The following AKAP6 variants were observed in gnomAD, a reference collection of about 807,000 sequenced individuals.
The protein encoded by AKAP6 is A-kinase anchor protein 6.
AKAP6 carries 58 observed loss-of-function variants against 188.5 expected under a neutral mutation model. The ratio of observed to expected loss-of-function variants is 0.31; its 90% CI spans 0.25 to 0.38. AKAP6 has a LOEUF of 0.38. AKAP6 is among the 10% of genes least tolerant of loss of function. The pLI is 1.00. For missense variants in AKAP6, 2,710 were observed against 2,740.0 expected, an observed-to-expected ratio of 0.99 and a Z score of 0.24; for synonymous variants, 989 against 998.6, an observed-to-expected ratio of 0.99 and a Z score of 0.18.
chr14:32,451,550 G>A (rs1006549246), intron 2 of AKAP6, among the ~76,000 whole-genome samples: 1 of 152,162 alleles, frequency 6.6e-6, no homozygotes, highest in Non-Finnish European at 1.5e-5. Context: ...TGCAGGCATT[G>A]CAGCTTTTTA....
intron 2 of AKAP6, among the ~76,000 whole-genome samples, chr14:32,479,596 A>G (rs1235862271): frequency 2.6e-5 from 4 of 152,134 alleles, no homozygotes; most frequent in Non-Finnish European, 5.9e-5. Context: ...TCTCTACTAA[A>G]TTAATTACTA....
At chr14:32,534,186 A>G (rs1882563566) in intron 2 of AKAP6, among the ~76,000 whole-genome samples, 1 of 152,190 alleles carries the variant, frequency 6.6e-6, no homozygotes, top group African/African-American at 2.4e-5. Context: ...TCAGAAGGTT[A>G]TGTTTCCAGC....
At chr14:32,729,435 A>G (rs1478840338) in intron 9 of AKAP6, among the ~76,000 whole-genome samples, 3 of 152,174 alleles carry the variant, frequency 2.0e-5, no homozygotes, top group Admixed American at 1.3e-4. Flanking sequence ...CATTTGTGCT[A>G]AAAGTAAGTA....
At chr14:32,395,615 C>T (rs1482552972) in intron 1 of AKAP6, among the ~76,000 whole-genome samples, 1 of 152,148 alleles carries the variant, frequency 6.6e-6, no homozygotes, top group East Asian at 1.9e-4. Context: ...GGACAGTTAC[C>T]TGCTTTGTTA....
At chr14:32,728,341 C>T (rs955933143) in intron 9 of AKAP6, among the ~76,000 whole-genome samples, 1 of 139,274 alleles carries the variant, frequency 7.2e-6, no homozygotes, top group African/African-American at 2.7e-5. Context: ...TTTATTTTCT[C>T]AGTGTATTCT....
At chr14:32,502,510 T>G (rs1880656005) in intron 2 of AKAP6, among the ~76,000 whole-genome samples, 1 of 152,144 alleles carries the variant, frequency 6.6e-6, no homozygotes, top group South Asian at 2.1e-4. Flanking sequence ...TTTAAAAATA[T>G]GAAAAGATAT....
At chr14:32,545,197 A>G (rs374650169) in intron 3 of AKAP6, 33 bp from the exon 4 acceptor site, 2 of 1,584,704 alleles carry the variant, frequency 1.3e-6, no homozygotes, top group East Asian at 2.2e-5. Context: ...TTGATGTTGC[A>G]TTTACTGAAA....
At chr14:32,498,776 A>C (rs905695851) in intron 2 of AKAP6, among the ~76,000 whole-genome samples, 1 of 152,110 alleles carries the variant, frequency 6.6e-6, no homozygotes, top group Non-Finnish European at 1.5e-5. Flanking sequence ...GGAGGGTGTA[A>C]GAGGACATCC....
Position 32,703,662 on chromosome 14 carries a change from A to G in AKAP6, c.3000+7552A>G, listed in dbSNP as rs558553355. Among the ~76,000 whole-genome samples the G allele has an allele frequency of 2.6e-5, 4 of 152,356 alleles. No individual in the cohort carries two copies. In the South Asian group the frequency reaches 8.3e-4, roughly 32 times the overall value. On this transcript the variant is annotated intron_variant, in intron 9 of 13. Transcript: ENST00000280979. ...TATTTCTAAATGCTGTCACGGAAAA[A>G]GAAAACCAAAAGAAATGCTAGTGGC...
At chr14:32,801,178 G>GT (rs1292906117) in intron 12 of AKAP6, among the ~76,000 whole-genome samples, 5 of 152,076 alleles carry the variant, frequency 3.3e-5, no homozygotes, top group African/African-American at 1.2e-4. Flanking sequence ...TATCACATTA[G>GT]TAACTATGTT....
chr14:32,579,781 C>A (rs927477395), intron 5 of AKAP6, among the ~76,000 whole-genome samples: 1 of 152,092 alleles, frequency 6.6e-6, no homozygotes, highest in East Asian at 1.9e-4. Context: ...TTCTTCTCAA[C>A]CTTCCCATAA....
intron 11 of AKAP6, among the ~76,000 whole-genome samples, chr14:32,745,418 C>T (rs1055369328): frequency 6.6e-6 from 1 of 151,948 alleles, no homozygotes; most frequent in Non-Finnish European, 1.5e-5. Flanking sequence ...GGCAGAGACT[C>T]TTGTTTTTTT....
intron 12 of AKAP6, among the ~76,000 whole-genome samples, chr14:32,820,097 C>G (rs560847687): frequency 6.6e-6 from 1 of 152,148 alleles, no homozygotes; most frequent in African/African-American, 2.4e-5. Flanking sequence ...GACTGTTGCT[C>G]AGAAAGGTTA....
intron 2 of AKAP6, among the ~76,000 whole-genome samples, chr14:32,471,297 T>C (rs1878766124): frequency 6.6e-6 from 1 of 152,256 alleles, no homozygotes; most frequent in African/African-American, 2.4e-5. Flanking sequence ...GTTAGGCTTA[T>C]GTCATTATCT....
At chr14:32,497,524 T>C (rs569304942) in intron 2 of AKAP6, among the ~76,000 whole-genome samples, 8 of 152,234 alleles carry the variant, frequency 5.3e-5, no homozygotes, top group African/African-American at 1.7e-4. Flanking sequence ...ATAGTCTATC[T>C]TGGGAAATGT....
At chr14:32,763,443 C>G (rs2032604468) in intron 11 of AKAP6, among the ~76,000 whole-genome samples, 3 of 152,026 alleles carry the variant, frequency 2.0e-5, no homozygotes, top group Admixed American at 2.0e-4. Context: ...CTTTTAAAAT[C>G]TGCTAATGTG....
At chr14:32,353,713 C>G (rs10143272) in intron 1 of AKAP6, among the ~76,000 whole-genome samples, 47,869 of 151,764 alleles carry the variant, frequency 0.32, 8,269 homozygotes, top group African/African-American at 0.47. Flanking sequence ...AAAACCCCAT[C>G]ATCTCAGCCC....
chr14:32,754,119 A>G (rs772703916), intron 11 of AKAP6, among the ~76,000 whole-genome samples: 9 of 152,070 alleles, frequency 5.9e-5, no homozygotes, highest in Non-Finnish European at 1.0e-4. Flanking sequence ...GGCTCCTACT[A>G]TAATTGTATT....
chr14:32,366,901 T>TG (rs1448332980), intron 1 of AKAP6, among the ~76,000 whole-genome samples: 2 of 152,084 alleles, frequency 1.3e-5, no homozygotes, highest in Non-Finnish European at 2.9e-5. Context: ...CAGAGGAGGC[T>TG]GGGGGGAAAT....
Sources: gnomAD v4.1 joint callset for allele counts (sites outside exome capture counted in the v4.1 genomes callset) on GRCh38, gnomAD v4.1.1 for gene constraint, MANE v1.5 for transcripts, NCBI Gene and HGNC (gene_info 2026-07-23, HGNC 2026-07-21) for gene names.